Variants in GCH1 observed in about 807,000 individuals in gnomAD.
GCH1 encodes GTP cyclohydrolase I.
Under a neutral mutation model 25.9 loss-of-function variants are expected in GCH1, and 5 were observed. The observed-to-expected ratio is 0.19, with a 90% CI of 0.10 to 0.41. The LOEUF (loss-of-function observed/expected upper bound fraction) is 0.41. GCH1 is among the 10% of genes least tolerant of loss of function. The probability of loss-of-function intolerance (pLI) is 1.00; values close to 1 mark genes in which losing one functional copy is unlikely to be tolerated. For synonymous variants in GCH1, 159 were observed against 129.6 expected (o/e 1.23, Z -1.54); for missense variants, 261 against 336.5 (o/e 0.78, Z 1.75).
chr14:54,849,997 C>A (rs2039700248), intron 3 of GCH1, among the ~76,000 whole-genome samples: 2 of 151,886 alleles, frequency 1.3e-5, no homozygotes, highest in African/African-American at 4.8e-5. Flanking sequence ...TTTTTTGGCA[C>A]GGAGTCTTGC....
chr14:54,886,631 A>C (rs113943886), intron 1 of GCH1, among the ~76,000 whole-genome samples: 9,343 of 152,190 alleles, frequency 0.061, 940 homozygotes, highest in African/African-American at 0.21. Context: ...CAAAACAAAA[A>C]AAACACCAGT....
intron 1 of GCH1, among the ~76,000 whole-genome samples, chr14:54,880,073 G>A (rs1274933285): frequency 6.0e-5 from 9 of 150,198 alleles, no homozygotes; most frequent in South Asian, 2.1e-4. Flanking sequence ...ACCCGGAGGC[G>A]GAGGTTGCAG....
intron 2 of GCH1, among the ~76,000 whole-genome samples, chr14:54,862,585 T>C (rs933466529): frequency 7.6e-6 from 1 of 131,642 alleles, no homozygotes; most frequent in African/African-American, 3.0e-5. Context: ...TTTGGTTGAT[T>C]GGTTTTCGTT....
rs749368308 is a variant in GCH1, at chr14:54,902,547, G to T, written c.117C>A (p.Pro39=). 1.3e-6 allele frequency: 2 copies of T among 1,539,564 alleles called. No homozygotes were observed. Among genetic ancestry groups the T allele is most frequent in the Non-Finnish European group, 1.7e-6 (2 of 1,144,530 alleles). ...RPGPSRPAEK[P]PRPEAKSAQP... ...GCGCGCTCTTGGCCTCGGGCCGCGG[G>T]GGCTTCTCCGCCGGCCTGCTGGGCC... The change falls in exon 1 of 6, where the codon CCC becomes CCA. Residue 39 remains proline, a synonymous_variant. Coordinates refer to ENST00000491895, the MANE Select transcript of GCH1 (RefSeq NM_000161.3).
chr14:54,886,616 C>A (rs1400828630), intron 1 of GCH1, among the ~76,000 whole-genome samples: 1 of 151,982 alleles, frequency 6.6e-6, no homozygotes, highest in Non-Finnish European at 1.5e-5. Flanking sequence ...TCTCAAAAAA[C>A]AAAACAAAAC....
intron 1 of GCH1, 104 bp downstream of exon 1, chr14:54,902,217 G>A: frequency 7.8e-7 from 1 of 1,286,840 alleles, no homozygotes; most frequent in Non-Finnish European, 1.1e-6. Flanking sequence ...GGCTTCCTGC[G>A]CCAAAAGTGA....
At chr14:54,895,863 T>G (rs1239390121) in intron 1 of GCH1, among the ~76,000 whole-genome samples, 3 of 152,164 alleles carry the variant, frequency 2.0e-5, no homozygotes, top group African/African-American at 7.2e-5. Flanking sequence ...TAGGGAATAG[T>G]ACTAGGAAAC....
chr14:54,871,028 C>G (rs1481640201), intron 1 of GCH1, among the ~76,000 whole-genome samples: 1 of 152,350 alleles, frequency 6.6e-6, no homozygotes, highest in East Asian at 1.9e-4. Context: ...AGCCTGAGAT[C>G]TGAGAATGGA....
chr14:54,853,610 G>A (rs1247278945), intron 3 of GCH1, among the ~76,000 whole-genome samples: 1 of 152,170 alleles, frequency 6.6e-6, no homozygotes, highest in Non-Finnish European at 1.5e-5. Context: ...GTAGTTGTCA[G>A]TTTTAATCTA....
intron 1 of GCH1, among the ~76,000 whole-genome samples, chr14:54,896,218 A>C (rs1228072548): frequency 1.3e-5 from 2 of 152,236 alleles, no homozygotes; most frequent in African/African-American, 4.8e-5. Flanking sequence ...TGACCTTCAG[A>C]GAAGTATGTT....
At chr14:54,891,369 G>A (rs2140113570) in intron 1 of GCH1, among the ~76,000 whole-genome samples, 2 of 150,856 alleles carry the variant, frequency 1.3e-5, no homozygotes, top group South Asian at 4.2e-4. Flanking sequence ...GCCTCCCAAG[G>A]TGCTGGGATT....
chr14:54,883,056 T>G lies in GCH1; in HGVS notation c.344-17620A>C, dbSNP rs1469656716. On this transcript the variant is annotated intron_variant, in intron 1 of 5. Coordinates refer to ENST00000491895, the MANE Select transcript of GCH1 (RefSeq NM_000161.3). ...GGTGGGAGCACACAGGCTTGAGAGC[T>G]GAGGGTACATGAGGGTTGAAAACAG... Among the ~76,000 whole-genome samples the G allele has an allele frequency of 3.9e-5, 6 of 152,182 alleles. No homozygotes were observed. The South Asian group carries it at 8.3e-4, about 21-fold the overall frequency.
At chr14:54,889,067 A>G (rs76369933) in intron 1 of GCH1, among the ~76,000 whole-genome samples, 2,141 of 152,320 alleles carry the variant, frequency 0.014, 55 homozygotes, top group African/African-American at 0.048. Flanking sequence ...GTGGAGGCAA[A>G]GCCTGACAGC....
chr14:54,889,318 G>A (rs1251911353), intron 1 of GCH1, among the ~76,000 whole-genome samples: 1 of 152,130 alleles, frequency 6.6e-6, no homozygotes, highest in African/African-American at 2.4e-5. Context: ...CACTGCTAAC[G>A]AACACTGTAC....
chr14:54,882,791 A>G (rs965621133), intron 1 of GCH1, among the ~76,000 whole-genome samples: 6 of 152,312 alleles, frequency 3.9e-5, no homozygotes, highest in Middle Eastern at 3.4e-3. Context: ...GGTGTGATGG[A>G]ACCATCTGTA....
intron 1 of GCH1, chr14:54,885,511 A>C: frequency 3.1e-6 from 1 of 318,834 alleles, no homozygotes; most frequent in Non-Finnish European, 6.1e-6. Flanking sequence ...GATGGCATCC[A>C]AACCTACACC....
At chr14:54,847,239 G>A (rs773713807) in intron 3 of GCH1, 109 bp from the exon 4 acceptor site, 1 of 549,140 alleles carries the variant, frequency 1.8e-6, no homozygotes, top group Non-Finnish European at 3.4e-6. Context: ...GGCTGCAAGA[G>A]GAAATAAAGC....
intron 3 of GCH1, among the ~76,000 whole-genome samples, chr14:54,857,214 T>G (rs1420627720): frequency 6.6e-6 from 1 of 152,214 alleles, no homozygotes; most frequent in Admixed American, 6.5e-5. Flanking sequence ...CCTATTAGTC[T>G]AAGGACAAAT....
At chr14:54,849,200 T>C (rs141671328) in intron 3 of GCH1, among the ~76,000 whole-genome samples, 1 of 152,376 alleles carries the variant, frequency 6.6e-6, no homozygotes, top group African/African-American at 2.4e-5. Flanking sequence ...GCTATGTATG[T>C]GATTATATGG....
Sources: allele counts gnomAD v4.1 joint callset (sites outside exome capture counted in the v4.1 genomes callset), GRCh38; gene constraint gnomAD v4.1.1; transcripts MANE v1.5; gene names NCBI Gene and HGNC (gene_info 2026-07-23, HGNC 2026-07-21).